The following REC8 variants were observed in gnomAD, a reference collection of about 807,000 sequenced individuals.
REC8 encodes REC8 meiotic recombination protein.
Under a neutral mutation model 78.3 loss-of-function variants are expected in REC8, and 42 were observed. The ratio of observed to expected loss-of-function variants is 0.54; its 90% confidence interval spans 0.42 to 0.69. The LOEUF is 0.69. Ranked by LOEUF, REC8 falls within the 30% of genes least tolerant of loss-of-function variation. The probability of loss-of-function intolerance (pLI) is 0.00; values close to 1 mark genes in which losing one functional copy is unlikely to be tolerated. For synonymous variants in REC8, 268 were observed against 274.1 expected (o/e 0.98, Z 0.22); for missense variants, 581 against 715.8 (o/e 0.81, Z 2.15).
chr14:24,179,820 A>T lies in REC8; in HGVS notation c.1472A>T (p.Gln491Leu). ...TATAGGGCAGTGGCACTGGAGCTGC[A>T]GGCTAACAGGGAGCCCGACTTCAGC... ...AVHRAVALEL[Q>L]ANREPDFSSL... Residue 491 changes from glutamine to leucine, a missense_variant, in exon 18 of 19, where the codon CAG becomes CTG. By Grantham distance (113) the Gln-to-Leu change is moderately radical. Transcript: ENST00000611366. The T allele has an allele frequency of 1.2e-6, 2 of 1,613,070 alleles. No individual in the cohort carries two copies. The highest frequency in any genetic ancestry group is 1.7e-6 in the Non-Finnish European group (2 of 1,179,440).
rs956448127 is a variant in REC8, at chr14:24,180,101, G to C, written c.*6G>C. 2 of 1,614,032 alleles carry C rather than the reference G, an allele frequency of 1.2e-6. No homozygotes were observed. The highest frequency in any genetic ancestry group is 1.3e-5 in the African/African-American group (1 of 74,940). ...CGGGGCCCAGATTCCACTGAGGTTAGAGTCCATTTACAAAGCTGCCAGGAA... is the reference window on the plus strand; with the variant it reads ...CGGGGCCCAGATTCCACTGAGGTTACAGTCCATTTACAAAGCTGCCAGGAA... On this transcript the variant is annotated 3_prime_UTR_variant, in exon 19 of 19. Transcript: ENST00000611366.
In REC8 at chr14:24,178,616, A is replaced by G; in HGVS notation, c.1007A>G (p.Gln336Arg). 1 of 1,614,020 alleles carries G rather than the reference A, an allele frequency of 6.2e-7. No individual in the cohort carries two copies. ...TCCCCCACTACACAGCCTATGGTGC[A>G]GCCGCCCGAGAGGACCATCAGAGGC... ...RAHCWECPMV[Q>R]PPERTIRGPA... Residue 336 changes from glutamine (Q) to arginine (R), a missense_variant, in exon 13 of 19, where the codon CAG becomes CGG. Transcript: ENST00000611366.
At chr14:24,178,946 C>A in intron 14 of REC8, 30 bp downstream of exon 14, 1 of 1,611,478 alleles carries the variant, frequency 6.2e-7, no homozygotes, top group Non-Finnish European at 8.5e-7. Context: ...ACTGCATCGC[C>A]CCAGTGCCAG....
downstream of REC8, chr14:24,180,897 CTA>C: frequency 1.6e-6 from 1 of 642,380 alleles, no homozygotes; most frequent in East Asian, 2.8e-5. Context: ...TCCAAGACAA[CTA>C]TGAACATGAG....
intron 11 of REC8, 157 bp downstream of exon 11, chr14:24,177,915 T>G (rs952797640): frequency 4.2e-5 from 62 of 1,488,396 alleles, no homozygotes; most frequent in Non-Finnish European, 5.4e-5. Flanking sequence ...TGGCCTACGC[T>G]TCCCAGATGG....
chr14:24,173,213 G>A lies in REC8; in HGVS notation c.341+15G>A. 6.2e-7 allele frequency: 1 copy of A among 1,614,168 alleles called. No individual in the cohort carries two copies. Among genetic ancestry groups the A allele is most frequent in the Non-Finnish European group, 8.5e-7 (1 of 1,180,026 alleles). The stretch of plus-strand genomic sequence containing the variant: ...GAGACTGAGCTGTGAGTGTGCCCTG[G>A]GCCTTTGATGGAACACCTGCTAGCT... On this transcript the variant is annotated intron_variant, in intron 4 of 18. Coordinates refer to ENST00000611366, the MANE Select transcript of REC8 (RefSeq NM_001048205.2).
At chr14:24,173,917 G>C (rs1216308913) in intron 5 of REC8, among the ~76,000 whole-genome samples, 5 of 152,118 alleles carry the variant, frequency 3.3e-5, no homozygotes, top group African/African-American at 1.2e-4. Flanking sequence ...CCAGGCTGGA[G>C]TGCAGTGGCA....
intron 5 of REC8, 48 bp from the exon 6 acceptor site, chr14:24,175,493 CAG>C: frequency 1.4e-6 from 2 of 1,418,062 alleles, no homozygotes; most frequent in Non-Finnish European, 2.0e-6. Context: ...AGTGGGAAAG[CAG>C]GGGGCTGAAG....
downstream of REC8, chr14:24,180,645 C>T: frequency 3.1e-6 from 5 of 1,613,016 alleles, no homozygotes; most frequent in Non-Finnish European, 4.2e-6. Context: ...AGCCCTGCCA[C>T]TCCCAGCCTC....
rs1360516100 is a variant in REC8, at chr14:24,173,201, G to A, written c.341+3G>A. 1 of 1,614,190 alleles carries A rather than the reference G, an allele frequency of 6.2e-7. No homozygotes were observed. Among genetic ancestry groups the A allele is most frequent in the Admixed American group, 1.7e-5 (1 of 60,022 alleles). ...CGAATAGATATGGAGACTGAGCTGT[G>A]AGTGTGCCCTGGGCCTTTGATGGAA... On this transcript the variant is annotated splice_donor_region_variant and intron_variant, in intron 4 of 18. Transcript: ENST00000611366.
intron 5 of REC8, chr14:24,175,243 T>G (rs1288679662): frequency 4.4e-6 from 1 of 228,344 alleles, no homozygotes; most frequent in African/African-American, 2.3e-5. Flanking sequence ...TGACATCAAG[T>G]GATCCACCCA....
At chr14:24,180,382 AG>A, downstream of REC8, 1 of 1,570,800 alleles carries the variant, frequency 6.4e-7, no homozygotes, top group Non-Finnish European at 8.7e-7. Flanking sequence ...AACTGGGCTG[AG>A]AGGTGGTCTT....
rs2038730039 is a variant in REC8, at chr14:24,172,887, A to G, written c.126-12A>G. ...CTGGACGCAGCGGTAATCAGGGCGCATTGTTCCCCAGCGAGGAAATCCTCA... is the reference window on the plus strand; with the variant it reads ...CTGGACGCAGCGGTAATCAGGGCGCGTTGTTCCCCAGCGAGGAAATCCTCA... On this transcript the variant is annotated splice_polypyrimidine_tract_variant and intron_variant, in intron 2 of 18. Transcript: ENST00000611366. 1 of 1,613,292 alleles carries G rather than the reference A, an allele frequency of 6.2e-7. No individual in the cohort carries two copies. The highest frequency in any genetic ancestry group is 1.3e-5 in the African/African-American group (1 of 75,056).
At chr14:24,177,415 T>C in intron 9 of REC8, 32 bp downstream of exon 9, 1 of 1,613,988 alleles carries the variant, frequency 6.2e-7, no homozygotes, top group East Asian at 2.2e-5. Context: ...CCAGGTAGGG[T>C]GTCAGTGCTG....
intron 6 of REC8, among the ~76,000 whole-genome samples, chr14:24,176,145 C>T (rs2038888275): frequency 6.6e-6 from 1 of 151,852 alleles, no homozygotes; most frequent in Non-Finnish European, 1.5e-5. Flanking sequence ...AGGCTCACTG[C>T]AACCTCCGCC....
At position 24,180,005 on chromosome 14, in the gene REC8, A is replaced by G; in HGVS notation, c.1559-5A>G. The G allele has an allele frequency of 6.2e-7, 1 of 1,614,078 alleles. No homozygotes were observed. Among genetic ancestry groups the G allele is most frequent in the African/African-American group, 1.3e-5 (1 of 74,994 alleles). ...CGACCTGCCCTCTCCTCGCCTCTTGACCAGTGCTCTCAGCGCAACAGATTC... is the reference window on the plus strand; with the variant it reads ...CGACCTGCCCTCTCCTCGCCTCTTGGCCAGTGCTCTCAGCGCAACAGATTC... On this transcript the variant is annotated splice_polypyrimidine_tract_variant and splice_region_variant and intron_variant, in intron 18 of 18. Transcript: ENST00000611366.
At chr14:24,177,307 C>A in intron 8 of REC8, 46 bp from the exon 9 acceptor site, 1 of 1,614,024 alleles carries the variant, frequency 6.2e-7, no homozygotes, top group East Asian at 2.2e-5. Context: ...GGCAATGCTC[C>A]CATTTCTCTT....
At chr14:24,172,643 C>A (rs755669035) in intron 1 of REC8, 35 bp downstream of exon 1, 1 of 1,612,818 alleles carries the variant, frequency 6.2e-7, no homozygotes, top group Admixed American at 1.7e-5. Flanking sequence ...CGATGGCGGA[C>A]GCTGCCCGGG....
intron 5 of REC8, among the ~76,000 whole-genome samples, chr14:24,175,006 A>ATT (rs10712510): frequency 1.4e-4 from 19 of 134,900 alleles, no homozygotes; most frequent in African/African-American, 4.5e-4. Flanking sequence ...GCTTGCACAA[A>ATT]TTTTTTTTTT....
Sources: gnomAD v4.1 joint callset for allele counts (sites outside exome capture counted in the v4.1 genomes callset) on GRCh38, gnomAD v4.1.1 for gene constraint, MANE v1.5 for transcripts, NCBI Gene and HGNC (gene_info 2026-07-23, HGNC 2026-07-21) for gene names.